The following BLM variants were observed in gnomAD, a reference collection of about 807,000 sequenced individuals.
The protein encoded by BLM is recQ-like DNA helicase BLM.
Under a neutral mutation model 135.3 loss-of-function variants are expected in BLM, and 95 were observed. The observed-to-expected ratio is 0.70, with a 90% CI of 0.59 to 0.83. BLM has a LOEUF of 0.83. Among genes scored for constraint, BLM ranks in the 40% least tolerant of loss-of-function variants. The pLI is 0.00. For missense variants in BLM, 1,518 were observed against 1,663.9 expected (o/e 0.91, Z 1.53); for synonymous variants, 520 against 589.2 (o/e 0.88, Z 1.70).
At chr15:90,773,732 A>G (rs1896392947) in intron 12 of BLM, among the ~76,000 whole-genome samples, 2 of 152,052 alleles carry the variant, frequency 1.3e-5, no homozygotes, top group Non-Finnish European at 2.9e-5. Flanking sequence ...ATCACATAAC[A>G]TGTGGCCTTT....
chr15:90,779,249 C>T (rs991615067), intron 12 of BLM, among the ~76,000 whole-genome samples: 2 of 152,188 alleles, frequency 1.3e-5, no homozygotes, highest in Non-Finnish European at 2.9e-5. Flanking sequence ...TTTACATTTT[C>T]ACTAGCGATG....
intron 1 of BLM, among the ~76,000 whole-genome samples, chr15:90,741,781 T>C (rs1377453972): frequency 1.3e-5 from 2 of 152,232 alleles, no homozygotes; most frequent in East Asian, 3.8e-4. Flanking sequence ...GTATTTCCTT[T>C]TTCGAATATT....
At position 90,759,427 on chromosome 15, in the gene BLM, A is replaced by G. The variant is rs567188309; in HGVS notation, c.1088-720A>G. On this transcript the variant is annotated intron_variant, in intron 5 of 21. Coordinates refer to ENST00000355112, the MANE Select transcript of BLM (RefSeq NM_000057.4). ...AAATAATTAATTAAAAAAAAAAAAAAGAAGAAGATGTGTTGTGTTGCTGGG... is the reference window on the plus strand; with the variant it reads ...AAATAATTAATTAAAAAAAAAAAAAGGAAGAAGATGTGTTGTGTTGCTGGG... Among the ~76,000 whole-genome samples, 159 of 150,722 alleles carry G rather than the reference A, an allele frequency of 1.1e-3. 1 individual carries two copies. Among genetic ancestry groups the G allele is most frequent in the African/African-American group, 3.6e-3 (148 of 41,148 alleles).
Position 90,791,309 on chromosome 15 carries a change from G to A in BLM, c.3019+465G>A, listed in dbSNP as rs28385079. On this transcript the variant is annotated intron_variant, in intron 15 of 21. Transcript: ENST00000355112. ...CCCCATAGCCTCTCTTGTCTCATCCGTCCTCTCCCATTAGAGGCAGGCAAA... is the reference window on the plus strand; with the variant it reads ...CCCCATAGCCTCTCTTGTCTCATCCATCCTCTCCCATTAGAGGCAGGCAAA... Among the ~76,000 whole-genome samples the A allele has an allele frequency of 1.1e-3, 161 of 151,872 alleles. 1 individual carries two copies. Among genetic ancestry groups the A allele is most frequent in the African/African-American group, 3.7e-3 (153 of 41,418 alleles).
intron 15 of BLM, among the ~76,000 whole-genome samples, chr15:90,792,562 G>T (rs570155595): frequency 6.6e-6 from 1 of 152,092 alleles, no homozygotes; most frequent in Admixed American, 6.5e-5. Context: ...AGTGAGCTTC[G>T]GAAAGGTTTT....
chr15:90,805,303 A>G (rs1897264162), intron 19 of BLM, among the ~76,000 whole-genome samples: 1 of 152,138 alleles, frequency 6.6e-6, no homozygotes, highest in Non-Finnish European at 1.5e-5. Context: ...CTCTGTGCCT[A>G]TATGAAAAAT....
chr15:90,772,332 C>T (rs115958441), intron 12 of BLM, among the ~76,000 whole-genome samples: 1 of 152,268 alleles, frequency 6.6e-6, no homozygotes, highest in African/African-American at 2.4e-5. Context: ...GGCTTTATTC[C>T]ATTTCCTTAG....
chr15:90,769,473 G>T lies in BLM; in HGVS notation c.2442G>T (p.Met814Ile), dbSNP rs1896237351. 1.2e-6 allele frequency: 2 copies of T among 1,614,132 alleles called. No homozygotes were observed. Among genetic ancestry groups the T allele is most frequent in the Non-Finnish European group, 1.7e-6 (2 of 1,180,004 alleles). Residue 814 changes from methionine (M) to isoleucine (I), a missense_variant, in exon 12 of 22, where the codon ATG becomes ATT. Coordinates refer to ENST00000355112, the MANE Select transcript of BLM (RefSeq NM_000057.4). ...GHDFRQDYKRMNMLRQKFPSV... is the reference protein window; with the variant it reads ...GHDFRQDYKRINMLRQKFPSV... ...ATTTTCGTCAAGATTACAAAAGAAT[G>T]AATATGCTTCGCCAGAAGTTTCCTT...
At chr15:90,775,684 C>T (rs1233407349) in intron 12 of BLM, among the ~76,000 whole-genome samples, 1 of 151,670 alleles carries the variant, frequency 6.6e-6, no homozygotes, top group Non-Finnish European at 1.5e-5. Context: ...GCTAATTTTT[C>T]TATTTTTAGT....
At chr15:90,798,118 T>G (rs1458765855) in intron 16 of BLM, 72 bp from the exon 17 acceptor site, 1 of 1,360,630 alleles carries the variant, frequency 7.3e-7, no homozygotes, top group African/African-American at 1.5e-5. Context: ...CTACTATAGT[T>G]AATATTAAAC....
chr15:90,774,066 CTTTTTTTTTTTTT>C (rs61323062), intron 12 of BLM, among the ~76,000 whole-genome samples: 2 of 76,866 alleles, frequency 2.6e-5, no homozygotes, highest in Admixed American at 1.4e-4. Context: ...GTGCCTCCGT[CTTTTTTTTTTTTT>C]TTTTTTTTTT....
rs1596235875 is a variant in BLM at position 90,766,951 on chromosome 15, A to G, written c.2235A>G (p.Glu745=). 1.9e-6 allele frequency: 3 copies of G among 1,606,238 alleles called. No homozygotes were observed. The highest frequency in any genetic ancestry group is 2.6e-6 in the Non-Finnish European group (3 of 1,173,646). ...TGACAGGTGATAAGACTGACTCAGA[A>G]GCTACAAATATTTACCTCCAGTTAT... ...TYLTGDKTDS[E]ATNIYLQLSK... Residue 745 remains glutamate, a synonymous_variant, in exon 10 of 22, where the codon GAA becomes GAG. Transcript: ENST00000355112.
In BLM at chr15:90,747,579, T is replaced by C; in HGVS notation, c.98+89T>C. On this transcript the variant is annotated intron_variant, in intron 2 of 21. Coordinates refer to ENST00000355112, the MANE Select transcript of BLM (RefSeq NM_000057.4). ...ATCTTCTCTTTAAACTCCCCCATTG[T>C]ACAGATGAGGAAATGAAGCTGAGAG... 3.6e-6 allele frequency: 3 copies of C among 834,880 alleles called. No homozygotes were observed. In the South Asian group the frequency reaches 4.4e-5, roughly 12 times the overall value. The allele number at this position is 834,880 out of a possible 1,614,324, so 51.7% of individuals were successfully genotyped here.
intron 1 of BLM, among the ~76,000 whole-genome samples, chr15:90,724,612 A>G (rs1894861586): frequency 6.6e-6 from 1 of 152,148 alleles, no homozygotes; most frequent in Non-Finnish European, 1.5e-5. Context: ...TAAGTCCTCC[A>G]CATTCAGTCA....
intron 19 of BLM, among the ~76,000 whole-genome samples, chr15:90,806,421 G>T (rs552304481): frequency 6.6e-6 from 1 of 150,840 alleles, no homozygotes; most frequent in South Asian, 2.1e-4. Context: ...TGAGGCAGGA[G>T]AATTGGTTGA....
At position 90,809,250 on chromosome 15, in the gene BLM, A is replaced by T. The variant is rs1060500645; in HGVS notation, c.3865A>T (p.Thr1289Ser). ...AGTATTACAGAAATACTCTGAATGGACATCGCCAGGTTAGTACACAGCCAT... is the reference window on the plus strand; with the variant it reads ...AGTATTACAGAAATACTCTGAATGGTCATCGCCAGGTTAGTACACAGCCAT... ...ISVLQKYSEW[T>S]SPAEDSSPGI... The change falls in exon 20 of 22, where the codon ACA (threonine) becomes TCA (serine). Residue 1289 changes from threonine to serine, a missense_variant. Coordinates refer to ENST00000355112, the MANE Select transcript of BLM (RefSeq NM_000057.4). The T allele has an allele frequency of 1.7e-5, 28 of 1,614,078 alleles. 1 individual carries two copies. Among genetic ancestry groups the T allele is most frequent in the Non-Finnish European group, 2.4e-5 (28 of 1,180,050 alleles).
intron 17 of BLM, among the ~76,000 whole-genome samples, chr15:90,801,148 CAAAAAAAAAAAAGTTGT>C (rs1273461485): frequency 1.9e-4 from 26 of 134,582 alleles, no homozygotes; most frequent in Admixed American, 7.2e-4. Context: ...GACTCCATCT[CAAAAAAAAAAAAGTTGT>C]AAAAAAAAAA....
chr15:90,779,917 A>G (rs1176655945), intron 12 of BLM, among the ~76,000 whole-genome samples: 1 of 151,906 alleles, frequency 6.6e-6, no homozygotes, highest in African/African-American at 2.4e-5. Context: ...CACTCATACT[A>G]TTTTTCAGTT....
rs28745014 is a variant in BLM at position 90,726,806 on chromosome 15, C to A, written c.-5+9366C>A. On this transcript the variant is annotated intron_variant, in intron 1 of 21. Coordinates refer to ENST00000355112, the MANE Select transcript of BLM (RefSeq NM_000057.4). ...AATAGTATTCTGTTGTATAAATGTACTATAATTTTTTTATTCATTCATCGC... is the reference window on the plus strand; with the variant it reads ...AATAGTATTCTGTTGTATAAATGTAATATAATTTTTTTATTCATTCATCGC... Among the ~76,000 whole-genome samples, 349 of 152,220 alleles carry A rather than the reference C, an allele frequency of 2.3e-3. 5 individuals carry two copies. Among genetic ancestry groups the A allele is most frequent in the South Asian group, 0.015 (72 of 4,830 alleles).
Sources: gnomAD v4.1 joint callset for allele counts (sites outside exome capture counted in the v4.1 genomes callset) on GRCh38, gnomAD v4.1.1 for gene constraint, MANE v1.5 for transcripts, NCBI Gene and HGNC (gene_info 2026-07-23, HGNC 2026-07-21) for gene names.